The following MAP4 variants were observed in gnomAD, a reference collection of about 807,000 sequenced individuals.
The protein encoded by MAP4 is microtubule associated protein 4, also known as microtubule-associated protein 4.
MAP4 carries 76 observed loss-of-function variants against 170.2 expected under a neutral mutation model. That is an observed-to-expected ratio of 0.45 (90% confidence interval 0.37 to 0.54). The LOEUF (loss-of-function observed/expected upper bound fraction) is 0.54. MAP4 is among the 20% of genes least tolerant of loss of function. MAP4 has a pLI of 0.00. For missense variants in MAP4, 2,506 were observed against 2,748.0 expected, an observed-to-expected ratio of 0.91 and a Z score of 1.97; for synonymous variants, 909 against 994.5, an observed-to-expected ratio of 0.91 and a Z score of 1.62.
At chr3:47,942,982 T>C (rs1559541665) in intron 3 of MAP4, among the ~76,000 whole-genome samples, 1 of 152,130 alleles carries the variant, frequency 6.6e-6, no homozygotes, top group South Asian at 2.1e-4. Context: ...GGCACGGTAG[T>C]GCACACCTGT....
At chr3:48,070,503 G>C (rs186584758) in intron 1 of MAP4, among the ~76,000 whole-genome samples, 1 of 142,554 alleles carries the variant, frequency 7.0e-6, no homozygotes, top group East Asian at 2.1e-4. Context: ...TTTACTTTTT[G>C]TACAAATGGG....
rs540105267 is a variant in MAP4 at position 47,892,700 on chromosome 3, C to T, written c.5434+10250G>A. Reference sequence around the variant, plus strand: ...GAAAGAAAGGAAGAATGAATGAAAGCGAAAGAAAGGAAGGAACCTGCTGCT... The same window carrying T: ...GAAAGAAAGGAAGAATGAATGAAAGTGAAAGAAAGGAAGGAACCTGCTGCT... On this transcript the variant is annotated intron_variant, in intron 10 of 20. Transcript: ENST00000683076. 9.3e-5 allele frequency: 127 copies of T among 1,359,594 alleles called. 1 individual carries two copies. The highest frequency in any genetic ancestry group is 1.1e-4 in the Admixed American group (3 of 28,434). 84.2% of individuals were successfully genotyped at this position (1,359,594 alleles called of 1,614,324 possible).
intron 3 of MAP4, among the ~76,000 whole-genome samples, chr3:47,936,431 T>TA (rs1168313023): frequency 3.4e-5 from 5 of 146,480 alleles, no homozygotes; most frequent in East Asian, 2.0e-4. Flanking sequence ...AACTCTGTCT[T>TA]AAAAAAAAAG....
intron 3 of MAP4, among the ~76,000 whole-genome samples, chr3:47,954,403 G>A (rs939606799): frequency 9.9e-5 from 15 of 152,270 alleles, no homozygotes; most frequent in Non-Finnish European, 2.1e-4. Context: ...ATCTTTGGCA[G>A]TAATTGATCA....
At chr3:47,977,191 T>G (rs1020935852) in intron 3 of MAP4, among the ~76,000 whole-genome samples, 5 of 152,210 alleles carry the variant, frequency 3.3e-5, no homozygotes, top group African/African-American at 1.2e-4. Context: ...AACACGCAAC[T>G]CTCACATCAG....
Position 47,867,227 on chromosome 3 carries a change from AACCAGAGCT to A in MAP4, c.6501+10_6501+18del. 1 of 1,569,810 alleles carries A rather than the reference AACCAGAGCT, an allele frequency of 6.4e-7. No homozygotes were observed. Among genetic ancestry groups the A allele is most frequent in the Non-Finnish European group, 8.8e-7 (1 of 1,141,120 alleles). The stretch of plus-strand genomic sequence containing the variant: ...GTGGGCTATATCTCAGATGCCAGCT[AACCAGAGCT>A]TATACTTACATTACCACCTCCAGGG... On this transcript the variant is annotated intron_variant, in intron 17 of 20. Coordinates refer to ENST00000683076, the MANE Select transcript of MAP4 (RefSeq NM_001385682.1).
intron 10 of MAP4, among the ~76,000 whole-genome samples, chr3:47,895,181 T>C (rs777016): frequency 0.72 from 109,873 of 152,068 alleles, 39,892 homozygotes; most frequent in African/African-American, 0.76. Context: ...TATACACCCT[T>C]AATTTACTGA....
At chr3:47,947,588 A>C (rs961430799) in intron 3 of MAP4, among the ~76,000 whole-genome samples, 4 of 152,092 alleles carry the variant, frequency 2.6e-5, no homozygotes, top group African/African-American at 9.7e-5. Flanking sequence ...CGAGGAGGGC[A>C]AACTGCCTGA....
intron 1 of MAP4, among the ~76,000 whole-genome samples, chr3:48,060,976 C>G (rs1382399051): frequency 6.6e-6 from 1 of 151,986 alleles, no homozygotes; most frequent in Non-Finnish European, 1.5e-5. Flanking sequence ...TCCCAAGTAG[C>G]TGGGACTACA....
At position 47,855,692 on chromosome 3, in the gene MAP4, C is replaced by T. The variant is rs551630318; in HGVS notation, c.6584-332G>A. ...CCAGGGCGAAGCCTCTGCTTCTCTACTCTGTGTGGGAATGCCCTCCCGCTA... is the reference window on the plus strand; with the variant it reads ...CCAGGGCGAAGCCTCTGCTTCTCTATTCTGTGTGGGAATGCCCTCCCGCTA... On this transcript the variant is annotated intron_variant, in intron 18 of 20. Coordinates refer to ENST00000683076, the MANE Select transcript of MAP4 (RefSeq NM_001385682.1). The surrounding 1 kb of genome is among the most constrained non-coding windows in gnomAD (Gnocchi z 5.1). Among the ~76,000 whole-genome samples, 8 of 152,232 alleles carry T rather than the reference C, an allele frequency of 5.3e-5. No homozygotes were observed. The highest frequency in any genetic ancestry group is 1.9e-4 in the African/African-American group (8 of 41,544).
intron 3 of MAP4, among the ~76,000 whole-genome samples, chr3:47,937,344 T>C (rs1289424013): frequency 1.3e-5 from 2 of 152,084 alleles, no homozygotes; most frequent in Admixed American, 6.5e-5. Flanking sequence ...AACCACAGCA[T>C]CCTCGGGAAG....
intron 3 of MAP4, among the ~76,000 whole-genome samples, chr3:47,955,540 G>A (rs56066344): frequency 6.6e-6 from 1 of 151,176 alleles, no homozygotes; most frequent in East Asian, 1.9e-4. Flanking sequence ...TAGCAAATAC[G>A]TTAGATGCTT....
intron 1 of MAP4, among the ~76,000 whole-genome samples, chr3:48,015,517 T>C (rs916173514): frequency 6.6e-6 from 1 of 152,210 alleles, no homozygotes; most frequent in African/African-American, 2.4e-5. Context: ...ATAATCTTGA[T>C]GGATACAGGT....
At chr3:47,868,030 C>A (rs934642922) in intron 16 of MAP4, among the ~76,000 whole-genome samples, 1 of 152,310 alleles carries the variant, frequency 6.6e-6, no homozygotes, top group African/African-American at 2.4e-5. Context: ...AAAATACCTT[C>A]TTGAATCCTC....
rs1165246913 is a variant in MAP4, at chr3:47,881,130, ATTC to A, written c.5435-3610_5435-3608del. On this transcript the variant is annotated intron_variant, in intron 10 of 20. Transcript: ENST00000683076. ...TCAATCTTAGTGGGATTGATCCTTT[ATTC>A]TTTTCTCCGACATCTACTTTGTCTG... Among the ~76,000 whole-genome samples the A allele has an allele frequency of 3.3e-5, 5 of 152,090 alleles. No individual in the cohort carries two copies. The East Asian group carries it at 9.7e-4, about 29-fold the overall frequency.
At chr3:47,894,110 C>A (rs543649072) in intron 10 of MAP4, among the ~76,000 whole-genome samples, 2 of 151,922 alleles carry the variant, frequency 1.3e-5, no homozygotes, top group Admixed American at 1.3e-4. Context: ...GCCTCATATA[C>A]ATTTCTTCCC....
At chr3:47,906,664 T>G in intron 9 of MAP4, among the ~76,000 whole-genome samples, 1 of 148,754 alleles carries the variant, frequency 6.7e-6, no homozygotes, top group East Asian at 2.0e-4. Flanking sequence ...TCGTGGGCAA[T>G]GAGAGCAAAA....
intron 10 of MAP4, chr3:47,892,059 C>G (rs1024556975): frequency 3.9e-6 from 6 of 1,536,040 alleles, no homozygotes; most frequent in Non-Finnish European, 5.2e-6. Context: ...TTCCCCTGAA[C>G]TGGAATGGTT....
chr3:47,870,875 T>G lies in MAP4; in HGVS notation c.6232A>C (p.Lys2078Gln), dbSNP rs1257508256. 1 of 1,611,028 alleles carries G rather than the reference T, an allele frequency of 6.2e-7. No homozygotes were observed. Among genetic ancestry groups the G allele is most frequent in the South Asian group, 1.1e-5 (1 of 90,660 alleles). Residue 2078 changes from lysine (K) to glutamine (Q), a missense_variant, in exon 15 of 21, where the codon AAG (lysine) becomes CAG (glutamine). Physicochemically the swap from Lys to Gln is moderately conservative, Grantham distance 53. Transcript: ENST00000683076. ...GAGCCAACCTTGGAGCGGACATTCT[T>G]CAGATCAGGAGCAGAAGTATTGGTG... ...LATNTSAPDLKNVRSKVGSTE... is the reference protein window; with the variant it reads ...LATNTSAPDLQNVRSKVGSTE...
Sources: allele counts gnomAD v4.1 joint callset (sites outside exome capture counted in the v4.1 genomes callset), GRCh38; gene constraint gnomAD v4.1.1; non-coding constraint Gnocchi (gnomAD v3.1); transcripts MANE v1.5; gene names NCBI Gene and HGNC (gene_info 2026-07-23, HGNC 2026-07-21).